Variants in ADGRB3 observed in about 807,000 individuals in gnomAD.
The protein encoded by ADGRB3 is adhesion G protein-coupled receptor B3.
In ADGRB3, 37 loss-of-function variants were observed where a neutral mutation model predicts 193.4. The observed-to-expected ratio is 0.19, with a 90% CI of 0.15 to 0.25. ADGRB3 has a LOEUF of 0.25. Among genes scored for constraint, ADGRB3 ranks in the 10% least tolerant of loss-of-function variants. The probability of loss-of-function intolerance (pLI) is 1.00; values close to 1 mark genes in which losing one functional copy is unlikely to be tolerated. For synonymous variants in ADGRB3, 690 were observed against 644.2 expected, an observed-to-expected ratio of 1.07 and a Z score of -1.08; for missense variants, 1,637 against 1,852.9, an observed-to-expected ratio of 0.88 and a Z score of 2.14.
intron 17 of ADGRB3, among the ~76,000 whole-genome samples, chr6:69,144,911 C>CTTTCTTTCTT (rs1161311803): frequency 1.3e-5 from 2 of 150,958 alleles, no homozygotes; most frequent in Admixed American, 1.3e-4. Flanking sequence ...TTCTTTCTTT[C>CTTTCTTTCTT]TTTCTTTTTC....
chr6:69,027,233 GT>G (rs1173184809), intron 13 of ADGRB3, among the ~76,000 whole-genome samples: 1 of 146,358 alleles, frequency 6.8e-6, no homozygotes, highest in African/African-American at 2.5e-5. Context: ...TTTTTTTTTG[GT>G]AAACCCAAGA....
chr6:69,256,914 G>GC (rs1254035656), intron 20 of ADGRB3, among the ~76,000 whole-genome samples: 2 of 152,080 alleles, frequency 1.3e-5, no homozygotes, highest in Non-Finnish European at 1.5e-5. Flanking sequence ...TTAGCATGAA[G>GC]GTTGTTGAAT....
chr6:69,081,005 G>T (rs777113411), intron 17 of ADGRB3, among the ~76,000 whole-genome samples: 79 of 152,086 alleles, frequency 5.2e-4, no homozygotes, highest in Non-Finnish European at 1.0e-3. Flanking sequence ...CTAAGGTCTT[G>T]TAGTTGTTCT....
chr6:69,216,825 G>A (rs1765780590), intron 17 of ADGRB3, among the ~76,000 whole-genome samples: 3 of 152,134 alleles, frequency 2.0e-5, no homozygotes, highest in South Asian at 2.1e-4. Flanking sequence ...ATTTTAAATG[G>A]TGGTCTTCAG....
chr6:69,262,766 T>A (rs1766956755), intron 20 of ADGRB3, among the ~76,000 whole-genome samples: 1 of 151,974 alleles, frequency 6.6e-6, no homozygotes, highest in Admixed American at 6.6e-5. Flanking sequence ...TAGCTATTGT[T>A]AATCTCTTAC....
intron 3 of ADGRB3, among the ~76,000 whole-genome samples, chr6:68,791,806 TA>T (rs1767112482): frequency 6.6e-6 from 1 of 152,160 alleles, no homozygotes; most frequent in African/African-American, 2.4e-5. Flanking sequence ...TAAAGTAAAT[TA>T]AAAATCAGTT....
At chr6:68,644,807 A>G (rs991079333) in intron 3 of ADGRB3, among the ~76,000 whole-genome samples, 17 of 152,166 alleles carry the variant, frequency 1.1e-4, no homozygotes, top group Admixed American at 3.9e-4. Flanking sequence ...TAGATTTAAC[A>G]TATTAAGAGG....
At chr6:68,787,248 G>T (rs922116259) in intron 3 of ADGRB3, among the ~76,000 whole-genome samples, 2 of 152,146 alleles carry the variant, frequency 1.3e-5, no homozygotes, top group East Asian at 3.9e-4. Flanking sequence ...CAAAGGGAAT[G>T]CTTCCAGTTT....
At chr6:68,659,675 A>G (rs560345780) in intron 3 of ADGRB3, among the ~76,000 whole-genome samples, 2 of 151,206 alleles carry the variant, frequency 1.3e-5, no homozygotes, top group South Asian at 2.1e-4. Flanking sequence ...GAATTCTTAT[A>G]TCATGCGAAT....
At chr6:69,299,946 G>T (rs1767914906) in intron 20 of ADGRB3, among the ~76,000 whole-genome samples, 1 of 151,664 alleles carries the variant, frequency 6.6e-6, no homozygotes, top group Non-Finnish European at 1.5e-5. Flanking sequence ...AATAGGGATT[G>T]CATTGAATCT....
intron 3 of ADGRB3, among the ~76,000 whole-genome samples, chr6:68,876,749 G>A (rs1765605521): frequency 6.6e-6 from 1 of 152,018 alleles, no homozygotes; most frequent in African/African-American, 2.4e-5. Flanking sequence ...GTCTTTCTCT[G>A]GTTACATCCT....
chr6:69,130,131 T>A (rs1005352672), intron 17 of ADGRB3, among the ~76,000 whole-genome samples: 2 of 152,036 alleles, frequency 1.3e-5, no homozygotes, highest in African/African-American at 4.8e-5. Flanking sequence ...TAGTGAGGGC[T>A]ACTTTCCTGA....
chr6:69,042,021 AG>A (rs1472906524), intron 13 of ADGRB3, among the ~76,000 whole-genome samples: 1 of 152,130 alleles, frequency 6.6e-6, no homozygotes, highest in Non-Finnish European at 1.5e-5. Context: ...GTAGCATGGG[AG>A]TGGTTCACCC....
intron 12 of ADGRB3, among the ~76,000 whole-genome samples, chr6:69,014,343 G>A (rs1770028207): frequency 6.6e-6 from 1 of 151,828 alleles, no homozygotes. Context: ...AGGATTTAAT[G>A]TGTAATAATT....
intron 24 of ADGRB3, among the ~76,000 whole-genome samples, chr6:69,333,842 A>G (rs1768779521): frequency 6.6e-6 from 1 of 151,080 alleles, no homozygotes; most frequent in Non-Finnish European, 1.5e-5. Context: ...AGGCAGGAGA[A>G]TGGCGTGAAC....
intron 8 of ADGRB3, among the ~76,000 whole-genome samples, chr6:68,968,343 A>G (rs964065075): frequency 6.6e-6 from 1 of 152,184 alleles, no homozygotes; most frequent in Admixed American, 6.5e-5. Context: ...TGCCAGAATA[A>G]TACTAAGTGT....
At position 68,639,276 on chromosome 6, in the gene ADGRB3, C is replaced by A. The variant is rs1486443622; in HGVS notation, c.601C>A (p.His201Asn). 6.2e-7 allele frequency: 1 copy of A among 1,614,110 alleles called. No homozygotes were observed. Residue 201 changes from histidine (H) to asparagine (N), a missense_variant, in exon 3 of 32, where the codon CAT becomes AAT. Transcript: ENST00000370598. ...GTATACAAAATGCACCTGCCCTCAG[C>A]ATTTGGGAGAGTGGGGGATCGACGA... The part of the protein sequence containing the change: ...IMYTKCTCPQ[H>N]LGEWGIDDQS...
chr6:69,074,770 C>T (rs924475519), intron 16 of ADGRB3, among the ~76,000 whole-genome samples: 3 of 152,152 alleles, frequency 2.0e-5, no homozygotes, highest in Non-Finnish European at 4.4e-5. Flanking sequence ...TGGTCTCAAT[C>T]TCCTGACCTC....
At chr6:69,313,852 TA>T (rs1768251945) in intron 20 of ADGRB3, among the ~76,000 whole-genome samples, 1 of 151,726 alleles carries the variant, frequency 6.6e-6, no homozygotes, top group Non-Finnish European at 1.5e-5. Flanking sequence ...CCAATTAACA[TA>T]GGCATTACCT....
Sources: allele counts gnomAD v4.1 joint callset (sites outside exome capture counted in the v4.1 genomes callset), GRCh38; gene constraint gnomAD v4.1.1; transcripts MANE v1.5; gene names NCBI Gene and HGNC (gene_info 2026-07-23, HGNC 2026-07-21).